GLCCI1: variants seen among roughly 807,000 people sequenced by gnomAD.
GLCCI1 encodes glucocorticoid-induced transcript 1 protein.
A neutral mutation model predicts 52.2 loss-of-function variants in GLCCI1; 24 were observed. That is an observed-to-expected ratio of 0.46 (90% CI 0.33 to 0.65). The LOEUF (loss-of-function observed/expected upper bound fraction) is 0.65. GLCCI1 is among the 30% of genes least tolerant of loss of function. The pLI, the probability that GLCCI1 is intolerant of heterozygous loss-of-function variation, is 0.02. For synonymous variants in GLCCI1, 310 were observed against 276.5 expected, an observed-to-expected ratio of 1.12 and a Z score of -1.20; for missense variants, 704 against 701.5, an observed-to-expected ratio of 1.00 and a Z score of -0.04.
In GLCCI1 at chr7:8,086,488, G is replaced by A; in HGVS notation, c.1594G>A (p.Glu532Lys). The A allele has an allele frequency of 6.2e-7, 1 of 1,613,898 alleles. No homozygotes were observed. Among genetic ancestry groups the A allele is most frequent in the Non-Finnish European group, 8.5e-7 (1 of 1,179,906 alleles). The stretch of plus-strand genomic sequence containing the variant: ...ATCCCAGCAGCAGCAGCTCCTGCAG[G>A]AACTGCAGGGTGAGGACCACATCTC... ...QPSQQQQLLQ[E>K]LQGEDHISAQ... The change falls in exon 8 of 8, where the codon GAA becomes AAA. Residue 532 changes from glutamate (E) to lysine (K), a missense_variant. Glu to Lys is a moderately conservative substitution (Grantham distance 56, BLOSUM62 1). Transcript: ENST00000223145. The surrounding 1 kb of genome is among the most constrained non-coding windows in gnomAD (Gnocchi z 4.4).
intron 3 of GLCCI1, among the ~76,000 whole-genome samples, chr7:8,041,841 C>G (rs989095171): frequency 3.3e-5 from 5 of 152,192 alleles, no homozygotes; most frequent in African/African-American, 1.2e-4. Context: ...GTCCTCCCGC[C>G]TCAGCCTCCC....
intron 2 of GLCCI1, among the ~76,000 whole-genome samples, chr7:8,005,013 G>C (rs527647114): frequency 2.0e-5 from 3 of 152,174 alleles, no homozygotes; most frequent in African/African-American, 7.2e-5. Context: ...TGTCTCATCA[G>C]TTCTGTCCTT....
chr7:7,974,327 C>T (rs1221206082), intron 1 of GLCCI1, among the ~76,000 whole-genome samples: 1 of 152,080 alleles, frequency 6.6e-6, no homozygotes, highest in Non-Finnish European at 1.5e-5. Flanking sequence ...TTATTGTAAG[C>T]GTATTGAATA....
At chr7:7,995,071 G>A (rs984981710) in intron 1 of GLCCI1, among the ~76,000 whole-genome samples, 23 of 152,172 alleles carry the variant, frequency 1.5e-4, no homozygotes, top group Admixed American at 3.3e-4. Flanking sequence ...TCAATCCCAA[G>A]TAAAAGCAAG....
At chr7:7,975,243 A>G (rs978206710) in intron 1 of GLCCI1, among the ~76,000 whole-genome samples, 8 of 152,190 alleles carry the variant, frequency 5.3e-5, no homozygotes, top group Non-Finnish European at 1.0e-4. Flanking sequence ...CTTACGAACA[A>G]ATTGTGGAAA....
At chr7:8,063,339 T>A (rs1782557669) in intron 5 of GLCCI1, among the ~76,000 whole-genome samples, 1 of 151,490 alleles carries the variant, frequency 6.6e-6, no homozygotes, top group African/African-American at 2.4e-5. Flanking sequence ...AGAGACAGGG[T>A]TTCATCATGT....
chr7:7,976,479 CAAAAAAAA>C (rs35255634), intron 1 of GLCCI1, among the ~76,000 whole-genome samples: 3 of 24,682 alleles, frequency 1.2e-4, no homozygotes, highest in Admixed American at 1.2e-3. Flanking sequence ...AACTCCATCT[CAAAAAAAA>C]AAAAAAAAAA....
At chr7:7,982,544 C>G (rs1780643544) in intron 1 of GLCCI1, among the ~76,000 whole-genome samples, 1 of 151,992 alleles carries the variant, frequency 6.6e-6, no homozygotes, top group South Asian at 2.1e-4. Context: ...TTTATAAAGG[C>G]AAAGGGATAA....
intron 1 of GLCCI1, among the ~76,000 whole-genome samples, chr7:8,001,861 C>T (rs1781056013): frequency 6.6e-6 from 1 of 152,166 alleles, no homozygotes; most frequent in Non-Finnish European, 1.5e-5. Flanking sequence ...GGACCAAACA[C>T]TGCATGTCCT....
At chr7:8,077,922 G>A (rs1003876088) in intron 6 of GLCCI1, among the ~76,000 whole-genome samples, 1 of 152,110 alleles carries the variant, frequency 6.6e-6, no homozygotes. Flanking sequence ...AGAAAACAGT[G>A]AGACTGGAGA....
At chr7:8,029,013 A>G (rs1387028956) in intron 3 of GLCCI1, among the ~76,000 whole-genome samples, 1 of 152,200 alleles carries the variant, frequency 6.6e-6, no homozygotes, top group African/African-American at 2.4e-5. Context: ...GCTGAATTCT[A>G]CCAAACATTT....
intron 1 of GLCCI1, chr7:7,980,880 G>A: frequency 1.6e-6 from 1 of 643,068 alleles, no homozygotes; most frequent in Non-Finnish European, 2.9e-6. Context: ...AGTGATTTTA[G>A]ATGGTCCATT....
At chr7:7,994,490 A>G (rs1318295294) in intron 1 of GLCCI1, among the ~76,000 whole-genome samples, 1 of 152,190 alleles carries the variant, frequency 6.6e-6, no homozygotes, top group African/African-American at 2.4e-5. Context: ...CCTTCATGCT[A>G]TGTCATCCCA....
chr7:8,080,984 A>C (rs889767820), intron 6 of GLCCI1, among the ~76,000 whole-genome samples: 1 of 151,410 alleles, frequency 6.6e-6, no homozygotes, highest in African/African-American at 2.4e-5. Flanking sequence ...GCTTATCCTA[A>C]TCCTTTTACA....
chr7:8,059,244 C>A (rs1782464500), intron 4 of GLCCI1, among the ~76,000 whole-genome samples: 1 of 152,080 alleles, frequency 6.6e-6, no homozygotes, highest in Non-Finnish European at 1.5e-5. Context: ...GTTCATGCAT[C>A]AATAAGAGAC....
chr7:8,066,203 T>A (rs1782627852), intron 5 of GLCCI1, among the ~76,000 whole-genome samples: 1 of 152,202 alleles, frequency 6.6e-6, no homozygotes, highest in Non-Finnish European at 1.5e-5. Context: ...TTCATAGTAG[T>A]CTCTGAGGGT....
rs1783156720 is a variant in GLCCI1, at chr7:8,088,139, T to A, written c.*1601T>A. The stretch of plus-strand genomic sequence containing the variant: ...AGTTCCTTTCATTCATTCCTGGGTT[T>A]TTCTTTTATTTTCTAAGAAGGTTGA... On this transcript the variant is annotated 3_prime_UTR_variant, in exon 8 of 8. Coordinates refer to ENST00000223145, the MANE Select transcript of GLCCI1 (RefSeq NM_138426.4). The A allele has an allele frequency of 6.6e-6, 1 of 152,270 alleles. No individual in the cohort carries two copies. The highest frequency in any genetic ancestry group is 2.4e-5 in the African/African-American group (1 of 41,434). The allele number at this position is 152,270 out of a possible 1,614,324, so 9.4% of individuals were successfully genotyped here.
intron 1 of GLCCI1, among the ~76,000 whole-genome samples, chr7:8,003,628 A>G (rs1241293997): frequency 6.6e-6 from 1 of 152,202 alleles, no homozygotes; most frequent in Non-Finnish European, 1.5e-5. Context: ...GGGAGTCTTA[A>G]TTAAAATAAT....
chr7:8,083,493 C>G (rs999253501), intron 6 of GLCCI1, among the ~76,000 whole-genome samples: 38 of 152,134 alleles, frequency 2.5e-4, no homozygotes, highest in African/African-American at 8.2e-4. Flanking sequence ...CTGAGACAAT[C>G]CTATTCCTCC....
Sources: allele counts gnomAD v4.1 joint callset (sites outside exome capture counted in the v4.1 genomes callset), GRCh38; gene constraint gnomAD v4.1.1; non-coding constraint Gnocchi (gnomAD v3.1); transcripts MANE v1.5; gene names NCBI Gene and HGNC (gene_info 2026-07-23, HGNC 2026-07-21).